MAPK10: variants seen among roughly 807,000 people sequenced by gnomAD.
MAPK10 encodes the protein mitogen-activated protein kinase 10.
MAPK10 carries 25 observed loss-of-function variants against 59.3 expected under a neutral mutation model. The ratio of observed to expected loss-of-function variants is 0.42; its 90% confidence interval spans 0.31 to 0.59. The LOEUF is 0.59. Among genes scored for constraint, MAPK10 ranks in the 20% least tolerant of loss-of-function variants. MAPK10 has a pLI of 0.15. For synonymous variants in MAPK10, 190 were observed against 200.5 expected (o/e 0.95, Z 0.44); for missense variants, 351 against 568.9 (o/e 0.62, Z 3.90).
intron 3 of MAPK10, among the ~76,000 whole-genome samples, chr4:86,172,609 G>A (rs1270549142): frequency 1.3e-5 from 2 of 150,896 alleles, no homozygotes; most frequent in African/African-American, 4.9e-5. Flanking sequence ...AGCATTAGGA[G>A]ATATACCTAA....
intron 1 of MAPK10, among the ~76,000 whole-genome samples, chr4:86,467,769 C>G (rs1191927927): frequency 6.6e-6 from 1 of 152,202 alleles, no homozygotes; most frequent in African/African-American, 2.4e-5. Flanking sequence ...CCGCGCACCT[C>G]GGCCTCCCAA....
intron 2 of MAPK10, among the ~76,000 whole-genome samples, chr4:86,227,821 A>T (rs1199980686): frequency 1.3e-5 from 2 of 152,174 alleles, no homozygotes; most frequent in Non-Finnish European, 2.9e-5. Flanking sequence ...ATTTTGTTTT[A>T]ACCCTGAATT....
intron 1 of MAPK10, chr4:86,357,724 A>AC (rs1735227963): frequency 6.6e-6 from 1 of 152,148 alleles, no homozygotes; most frequent in African/African-American, 2.4e-5. Context: ...ACTCCTCTCA[A>AC]CAGCAGATGC....
At chr4:86,127,920 T>C (rs1307585994) in intron 4 of MAPK10, among the ~76,000 whole-genome samples, 1 of 152,064 alleles carries the variant, frequency 6.6e-6, no homozygotes, top group Non-Finnish European at 1.5e-5. Flanking sequence ...AGACTAGATA[T>C]AATTGTTGAC....
intron 1 of MAPK10, among the ~76,000 whole-genome samples, chr4:86,446,870 T>G (rs1750113181): frequency 6.6e-6 from 1 of 152,324 alleles, no homozygotes; most frequent in Admixed American, 6.5e-5. Flanking sequence ...CCTGTTCATA[T>G]CTTTATTTTT....
chr4:86,157,923 A>AT (rs1158604045), intron 4 of MAPK10, among the ~76,000 whole-genome samples: 4 of 151,952 alleles, frequency 2.6e-5, no homozygotes, highest in Non-Finnish European at 5.9e-5. Context: ...AAATGAAACT[A>AT]TCCCAATTAA....
chr4:86,143,027 T>C (rs1444652078), intron 4 of MAPK10, among the ~76,000 whole-genome samples: 1 of 152,194 alleles, frequency 6.6e-6, no homozygotes, highest in Non-Finnish European at 1.5e-5. Context: ...GAAAGAGGTT[T>C]AATTGACTCG....
chr4:86,260,707 A>G (rs2093951767), intron 2 of MAPK10, among the ~76,000 whole-genome samples: 1 of 152,138 alleles, frequency 6.6e-6, no homozygotes. Context: ...CTTTCTATAG[A>G]AAATAAAATT....
intron 1 of MAPK10, among the ~76,000 whole-genome samples, chr4:86,551,312 C>G (rs1374372499): frequency 1.3e-5 from 2 of 152,120 alleles, no homozygotes; most frequent in Non-Finnish European, 2.9e-5. Context: ...TTTTGTTTTG[C>G]TTTTTGCCAA....
chr4:86,331,657 C>T (rs1450645692), intron 2 of MAPK10, among the ~76,000 whole-genome samples: 2 of 152,144 alleles, frequency 1.3e-5, no homozygotes, highest in Admixed American at 6.6e-5. Flanking sequence ...TCTCAGTTGG[C>T]ATCACTGCCC....
intron 12 of MAPK10, among the ~76,000 whole-genome samples, chr4:86,030,828 T>C (rs1036678309): frequency 6.6e-6 from 1 of 152,238 alleles, no homozygotes; most frequent in African/African-American, 2.4e-5. Flanking sequence ...CATTTGACTT[T>C]CTCATATTTA....
intron 2 of MAPK10, among the ~76,000 whole-genome samples, chr4:86,259,360 CA>C (rs1312438103): frequency 6.6e-6 from 1 of 152,102 alleles, no homozygotes; most frequent in Non-Finnish European, 1.5e-5. Context: ...AACACAAACA[CA>C]AAATATTCAA....
chr4:86,476,643 C>T (rs577452690), intron 1 of MAPK10, among the ~76,000 whole-genome samples: 13 of 152,180 alleles, frequency 8.5e-5, no homozygotes, highest in Non-Finnish European at 1.0e-4. Context: ...AAATTAAATT[C>T]TGGCCCTCAA....
Position 86,290,803 on chromosome 4 carries a change from T to A in MAPK10, c.-7+63727A>T, listed in dbSNP as rs139983838. ...TGACCTTTTTCCTTTCATTTTTAAA[T>A]CTAAGCTTACCTCTGGCCATAGACT... is the stretch of plus-strand genomic sequence containing the variant. On this transcript the variant is annotated intron_variant, in intron 2 of 13. Transcript: ENST00000641462. Among the ~76,000 whole-genome samples the A allele has an allele frequency of 6.6e-5, 10 of 152,330 alleles. No homozygotes were observed. In the East Asian group the frequency reaches 1.9e-3, roughly 29 times the overall value.
At chr4:86,123,301 A>C (rs1396736048) in intron 4 of MAPK10, among the ~76,000 whole-genome samples, 1 of 152,032 alleles carries the variant, frequency 6.6e-6, no homozygotes, top group Non-Finnish European at 1.5e-5. Context: ...TCATCTTCTG[A>C]TGAACACTTA....
At chr4:86,360,186 T>C (rs1303973016), upstream of MAPK10, 11 of 985,748 alleles carry the variant, frequency 1.1e-5, no homozygotes, top group Non-Finnish European at 1.2e-5. Context: ...AGAGGAAGCG[T>C]CTATGTGCAG....
intron 1 of MAPK10, among the ~76,000 whole-genome samples, chr4:86,467,016 A>G (rs1752263957): frequency 1.3e-5 from 2 of 152,220 alleles, no homozygotes; most frequent in Admixed American, 6.5e-5. Flanking sequence ...GATGATGTGG[A>G]ACAGAGCCTG....
Position 86,318,234 on chromosome 4 carries a change from C to A in MAPK10, c.-7+36296G>T, listed in dbSNP as rs186233024. On this transcript the variant is annotated intron_variant, in intron 2 of 13. Coordinates refer to ENST00000641462, the MANE Select transcript of MAPK10 (RefSeq NM_138982.4). The stretch of plus-strand genomic sequence containing the variant: ...GTATTCCATTTTATATAGCAGCTAA[C>A]CTATTCAGGGTTGATTTTATGTAGA... Among the ~76,000 whole-genome samples, 9 of 152,078 alleles carry A rather than the reference C, an allele frequency of 5.9e-5. No homozygotes were observed. In the East Asian group the frequency reaches 9.7e-4, roughly 16 times the overall value.
At chr4:86,036,394 T>G (rs2040304113) in intron 11 of MAPK10, among the ~76,000 whole-genome samples, 1 of 150,500 alleles carries the variant, frequency 6.6e-6, no homozygotes. Flanking sequence ...ACTATAATGA[T>G]CTCAGATCTA....
Sources: gnomAD v4.1 joint callset for allele counts (sites outside exome capture counted in the v4.1 genomes callset) on GRCh38, gnomAD v4.1.1 for gene constraint, MANE v1.5 for transcripts, NCBI Gene and HGNC (gene_info 2026-07-23, HGNC 2026-07-21) for gene names.